PPME1: variants seen among roughly 807,000 people sequenced by gnomAD.
The protein encoded by PPME1 is protein phosphatase methylesterase 1, also known as testicular secretory protein Li 39.
In PPME1, 17 loss-of-function variants were observed where a neutral mutation model predicts 56.9. That is an observed-to-expected ratio of 0.30 (90% CI 0.20 to 0.45). PPME1 has a LOEUF of 0.45. Among genes scored for constraint, PPME1 ranks in the 20% least tolerant of loss-of-function variants. The pLI, the probability that PPME1 is intolerant of heterozygous loss-of-function variation, is 1.00. For missense variants in PPME1, 357 were observed against 483.2 expected, an observed-to-expected ratio of 0.74 and a Z score of 2.45; for synonymous variants, 122 against 156.2, an observed-to-expected ratio of 0.78 and a Z score of 1.63.
intron 10 of PPME1, 100 bp from the exon 11 acceptor site, chr11:74,246,979 C>A: frequency 9.7e-7 from 1 of 1,029,160 alleles, no homozygotes; most frequent in Non-Finnish European, 1.5e-6. Flanking sequence ...TTGGTATAAA[C>A]ATGAATGGAG....
intron 5 of PPME1, among the ~76,000 whole-genome samples, chr11:74,227,339 C>T (rs1858956208): frequency 6.6e-6 from 1 of 151,568 alleles, no homozygotes; most frequent in South Asian, 2.1e-4. Flanking sequence ...TAACTGGCAC[C>T]AAAAAAATTT....
At chr11:74,191,836 T>C (rs901090709) in intron 1 of PPME1, among the ~76,000 whole-genome samples, 16 of 152,166 alleles carry the variant, frequency 1.1e-4, no homozygotes, top group Admixed American at 9.8e-4. Context: ...TCAGGGCATA[T>C]ATGAGAAAGC....
intron 7 of PPME1, among the ~76,000 whole-genome samples, chr11:74,233,664 T>TA (rs910780230): frequency 5.3e-5 from 8 of 151,950 alleles, no homozygotes; most frequent in South Asian, 2.1e-4. Flanking sequence ...AATATATATA[T>TA]TTTTTTAATT....
intron 3 of PPME1, among the ~76,000 whole-genome samples, chr11:74,212,375 C>T (rs879368628): frequency 2.6e-5 from 4 of 152,168 alleles, no homozygotes; most frequent in Non-Finnish European, 5.9e-5. Flanking sequence ...AGCCTTGCCA[C>T]CCAAGCTAAA....
intron 1 of PPME1, among the ~76,000 whole-genome samples, chr11:74,181,959 A>C (rs904325056): frequency 6.6e-6 from 1 of 152,224 alleles, no homozygotes; most frequent in Non-Finnish European, 1.5e-5. Flanking sequence ...ACATGTCATT[A>C]GTCTCTCTTC....
At chr11:74,232,034 A>G (rs1256321928) in intron 7 of PPME1, among the ~76,000 whole-genome samples, 2 of 152,186 alleles carry the variant, frequency 1.3e-5, no homozygotes, top group Admixed American at 6.5e-5. Context: ...TCATCATCCT[A>G]TCTTCCTTCC....
Position 74,253,374 on chromosome 11 carries a change from G to A in PPME1, c.1143-118G>A. ...AGCTCTGGTCAGGGCTGTGAAATGG[G>A]TCAGATTTGCCAGGGCCTTGGTGGT... On this transcript the variant is annotated intron_variant, in intron 13 of 13. Transcript: ENST00000328257. 4.8e-6 allele frequency: 5 copies of A among 1,032,038 alleles called. No individual in the cohort carries two copies. The Admixed American group carries it at 1.0e-4, about 21-fold the overall frequency. The allele number at this position is 1,032,038 out of a possible 1,614,324, so 63.9% of individuals were successfully genotyped here.
intron 9 of PPME1, among the ~76,000 whole-genome samples, chr11:74,242,735 T>C (rs1470858041): frequency 2.0e-5 from 3 of 151,574 alleles, no homozygotes; most frequent in Admixed American, 6.6e-5. Context: ...AAAAATTAGC[T>C]GGGCGTGGTG....
intron 7 of PPME1, among the ~76,000 whole-genome samples, chr11:74,235,259 A>G (rs1859162394): frequency 6.6e-6 from 1 of 152,164 alleles, no homozygotes; most frequent in South Asian, 2.1e-4. Context: ...CAAATGTGAG[A>G]AGACTAATTT....
chr11:74,236,171 C>CT (rs1489011912), intron 8 of PPME1, among the ~76,000 whole-genome samples: 2 of 152,032 alleles, frequency 1.3e-5, no homozygotes, highest in Non-Finnish European at 2.9e-5. Context: ...CCTTCCCTTT[C>CT]TTTTTTTTCC....
chr11:74,248,265 T>C (rs1859559046), intron 11 of PPME1: 1 of 152,196 alleles, frequency 6.6e-6, no homozygotes, highest in African/African-American at 2.4e-5. Context: ...GCAGAATCTG[T>C]TCTAGACCTT....
intron 3 of PPME1, chr11:74,205,763 T>G (rs558304910): frequency 1.3e-5 from 2 of 152,366 alleles, no homozygotes; most frequent in Admixed American, 6.5e-5. Context: ...TGCTACTTTT[T>G]TCTCTTACTC....
chr11:74,218,383 T>G (rs1278287906), intron 3 of PPME1, among the ~76,000 whole-genome samples: 1 of 152,054 alleles, frequency 6.6e-6, no homozygotes, highest in African/African-American at 2.4e-5. Context: ...ATGATATTCT[T>G]CAAAAAAATG....
chr11:74,239,922 T>G (rs1859310334), intron 9 of PPME1, among the ~76,000 whole-genome samples: 1 of 151,920 alleles, frequency 6.6e-6, no homozygotes, highest in African/African-American at 2.4e-5. Context: ...TCTTTCAAAG[T>G]TTTTCTCCTT....
chr11:74,187,906 G>A (rs905829169), intron 1 of PPME1, among the ~76,000 whole-genome samples: 1 of 152,318 alleles, frequency 6.6e-6, no homozygotes, highest in South Asian at 2.1e-4. Context: ...GATTATTTGG[G>A]TAAGCCCAGT....
intron 1 of PPME1, among the ~76,000 whole-genome samples, chr11:74,182,235 A>T (rs1857559321): frequency 6.6e-6 from 1 of 152,184 alleles, no homozygotes; most frequent in Admixed American, 6.5e-5. Flanking sequence ...GCCTCATAGA[A>T]TTTTTGAGGA....
In PPME1 at chr11:74,174,079, C is replaced by G. The variant is rs531885807; in HGVS notation, c.101+2557C>G. On this transcript the variant is annotated intron_variant, in intron 1 of 13. Coordinates refer to ENST00000328257, the MANE Select transcript of PPME1 (RefSeq NM_016147.3). ...TCATGGTAGTAATAATATAGATTCT[C>G]TTTCTCCTTAGAATCATAAAGCTGA... Among the ~76,000 whole-genome samples the G allele has an allele frequency of 2.0e-5, 3 of 152,298 alleles. No homozygotes were observed. In the East Asian group the frequency reaches 5.8e-4, roughly 29 times the overall value.
intron 1 of PPME1, among the ~76,000 whole-genome samples, chr11:74,199,659 A>G (rs1173875022): frequency 6.6e-6 from 1 of 152,208 alleles, no homozygotes; most frequent in African/African-American, 2.4e-5. Context: ...TCCTTTTAAA[A>G]TGTAACTATA....
At chr11:74,244,272 T>G (rs974493907) in intron 9 of PPME1, among the ~76,000 whole-genome samples, 2 of 152,220 alleles carry the variant, frequency 1.3e-5, no homozygotes, top group African/African-American at 4.8e-5. Context: ...TTTCAATTCT[T>G]TGGATATGTA....
Sources: gnomAD v4.1 joint callset for allele counts (sites outside exome capture counted in the v4.1 genomes callset) on GRCh38, gnomAD v4.1.1 for gene constraint, MANE v1.5 for transcripts, NCBI Gene and HGNC (gene_info 2026-07-23, HGNC 2026-07-21) for gene names.